The following FTO variants were observed in gnomAD, a reference collection of about 807,000 sequenced individuals.
FTO encodes alpha-ketoglutarate-dependent dioxygenase FTO.
A neutral mutation model predicts 63.9 loss-of-function variants in FTO; 47 were observed. The observed-to-expected ratio is 0.74, with a 90% CI of 0.58 to 0.94. FTO has a LOEUF of 0.94. FTO is among the 40% of genes least tolerant of loss of function. The pLI, the probability that FTO is intolerant of heterozygous loss-of-function variation, is 0.00. For synonymous variants in FTO, 207 were observed against 224.4 expected (o/e 0.92, Z 0.69); for missense variants, 562 against 618.1 (o/e 0.91, Z 0.96).
chr16:53,721,009 C>T (rs1360837077), intron 1 of FTO, among the ~76,000 whole-genome samples: 1 of 152,092 alleles, frequency 6.6e-6, no homozygotes, highest in Non-Finnish European at 1.5e-5. Context: ...AGGCTGGTTT[C>T]AAACCCTTGG....
intron 1 of FTO, among the ~76,000 whole-genome samples, chr16:53,769,858 G>C (rs1186956897): frequency 3.9e-5 from 6 of 152,100 alleles, no homozygotes; most frequent in Non-Finnish European, 8.8e-5. Context: ...AGGAGGCTCT[G>C]CCATCTTCCA....
intron 8 of FTO, among the ~76,000 whole-genome samples, chr16:53,950,107 A>G (rs1407086255): frequency 7.3e-6 from 1 of 137,632 alleles, no homozygotes; most frequent in Non-Finnish European, 1.5e-5. Context: ...CAAAATCTAT[A>G]TGAGGTTTAG....
chr16:53,879,732 T>G, intron 5 of FTO, 112 bp from the exon 6 acceptor site: 21 of 992,054 alleles, frequency 2.1e-5, no homozygotes, highest in East Asian at 2.8e-5. Context: ...GACTGAGCCA[T>G]GGGGCAACAG....
At chr16:53,713,180 G>A (rs910910308) in intron 1 of FTO, among the ~76,000 whole-genome samples, 1 of 152,122 alleles carries the variant, frequency 6.6e-6, no homozygotes, top group Non-Finnish European at 1.5e-5. Context: ...TACCATAGGT[G>A]TGGGCATTAA....
chr16:54,007,589 G>A (rs1263916411), intron 8 of FTO, among the ~76,000 whole-genome samples: 1 of 152,242 alleles, frequency 6.6e-6, no homozygotes, highest in African/African-American at 2.4e-5. Flanking sequence ...GAAGTCACAA[G>A]CTCCAATGCC....
intron 4 of FTO, among the ~76,000 whole-genome samples, chr16:53,852,167 T>G (rs1167869487): frequency 6.7e-6 from 1 of 149,186 alleles, no homozygotes; most frequent in Non-Finnish European, 1.5e-5. Context: ...TCACAACTAC[T>G]TGGGAGGTTG....
chr16:53,790,481 C>T (rs1023513420), intron 1 of FTO, among the ~76,000 whole-genome samples: 34 of 150,108 alleles, frequency 2.3e-4, no homozygotes, highest in African/African-American at 8.1e-4. Flanking sequence ...CTTTGGGAGC[C>T]TGAGGCAGGA....
chr16:53,831,472 TATTTGATCTACAAAGTTAC>T (rs1183112617), intron 3 of FTO, among the ~76,000 whole-genome samples: 2 of 152,254 alleles, frequency 1.3e-5, no homozygotes, highest in East Asian at 3.9e-4. Flanking sequence ...GGAAAAAACT[TATTTGATCTACAAAGTTAC>T]ATTTTTTTCA....
At chr16:53,907,712 A>C (rs1184202701) in intron 7 of FTO, among the ~76,000 whole-genome samples, 2 of 152,088 alleles carry the variant, frequency 1.3e-5, no homozygotes, top group Non-Finnish European at 2.9e-5. Context: ...CAATCAGTCT[A>C]ATCACATCAT....
Position 54,085,732 on chromosome 16 carries a change from T to C in FTO, c.1365-26030T>C, listed in dbSNP as rs368931598. On this transcript the variant is annotated intron_variant, in intron 8 of 8. Transcript: ENST00000471389. ...ATAAGCATTGAAGTTTGTTTGCAGA[T>C]TGTTTGTTTAGAGCTTGGTCTGGAA... Among the ~76,000 whole-genome samples the C allele has an allele frequency of 3.1e-4, 47 of 152,302 alleles. No individual in the cohort carries two copies. The East Asian group carries it at 8.7e-3, about 28-fold the overall frequency.
chr16:54,095,990 T>A (rs2086507061), intron 8 of FTO, among the ~76,000 whole-genome samples: 1 of 152,242 alleles, frequency 6.6e-6, no homozygotes, highest in Non-Finnish European at 1.5e-5. Context: ...ATACAGTTTA[T>A]AACCGATACA....
In FTO at chr16:53,826,172, C is replaced by T; in HGVS notation, c.432C>T (p.Asp144=). 1 of 1,614,156 alleles carries T rather than the reference C, an allele frequency of 6.2e-7. No homozygotes were observed. Among genetic ancestry groups the T allele is most frequent in the Non-Finnish European group, 8.5e-7 (1 of 1,180,032 alleles). ...GTGAGACCTTCCTCAAGCTCAATGA[C>T]TACCTGCAGATAGAAACCATCCAGG... The part of the protein sequence containing the change: ...AACETFLKLN[D]YLQIETIQAL... Residue 144 remains aspartate (D), a synonymous_variant, in exon 3 of 9, where the codon GAC becomes GAT. Coordinates refer to ENST00000471389, the MANE Select transcript of FTO (RefSeq NM_001080432.3).
At chr16:53,817,625 G>A (rs996936471) in intron 2 of FTO, among the ~76,000 whole-genome samples, 2 of 151,880 alleles carry the variant, frequency 1.3e-5, no homozygotes, top group Admixed American at 1.3e-4. Flanking sequence ...CTTCATTTAA[G>A]TGAGCCTCTG....
intron 8 of FTO, among the ~76,000 whole-genome samples, chr16:54,050,175 G>C (rs1339048033): frequency 4.6e-5 from 7 of 152,122 alleles, no homozygotes; most frequent in African/African-American, 1.7e-4. Context: ...TTTAAGGAAA[G>C]TCAATTATTT....
chr16:53,941,737 A>C (rs2082534233), intron 8 of FTO, among the ~76,000 whole-genome samples: 1 of 152,126 alleles, frequency 6.6e-6, no homozygotes, highest in Non-Finnish European at 1.5e-5. Context: ...AGTCCCAGCT[A>C]CTTGGGAGGC....
At chr16:53,810,050 T>G in intron 1 of FTO, 90 bp from the exon 2 acceptor site, 1 of 809,300 alleles carries the variant, frequency 1.2e-6, no homozygotes, top group Non-Finnish European at 2.1e-6. Context: ...TGGCTAAAAT[T>G]TGTTTGTATT....
intron 1 of FTO, among the ~76,000 whole-genome samples, chr16:53,806,544 C>T (rs1165034258): frequency 3.3e-5 from 5 of 152,292 alleles, no homozygotes; most frequent in African/African-American, 7.2e-5. Flanking sequence ...AAACAGAGAG[C>T]GTCCTTGTTT....
intron 8 of FTO, among the ~76,000 whole-genome samples, chr16:54,107,092 A>G (rs938173134): frequency 8.1e-5 from 12 of 148,046 alleles, no homozygotes; most frequent in Non-Finnish European, 1.8e-4. Flanking sequence ...TAAAATATTT[A>G]TATATAAAAT....
At chr16:54,021,479 ATTGT>A (rs10527841) in intron 8 of FTO, among the ~76,000 whole-genome samples, 34 of 151,350 alleles carry the variant, frequency 2.2e-4, no homozygotes, top group South Asian at 8.4e-4. Context: ...GGGTGGTTTT[ATTGT>A]TTGTTTGTTT....
Sources: allele counts gnomAD v4.1 joint callset (sites outside exome capture counted in the v4.1 genomes callset), GRCh38; gene constraint gnomAD v4.1.1; transcripts MANE v1.5; gene names NCBI Gene and HGNC (gene_info 2026-07-23, HGNC 2026-07-21).